Variants in PDZRN4 observed in about 807,000 individuals in gnomAD.
The protein encoded by PDZRN4 is PDZ domain-containing RING finger protein 4.
PDZRN4 carries 70 observed loss-of-function variants against 99.0 expected under a neutral mutation model. The observed-to-expected ratio is 0.71, with a 90% confidence interval of 0.58 to 0.86. The LOEUF (loss-of-function observed/expected upper bound fraction) is 0.86. PDZRN4 is among the 40% of genes least tolerant of loss of function. PDZRN4 has a pLI of 0.00. For synonymous variants in PDZRN4, 551 were observed against 501.6 expected, an observed-to-expected ratio of 1.10 and a Z score of -1.32; for missense variants, 1,474 against 1,331.2, an observed-to-expected ratio of 1.11 and a Z score of -1.67.
chr12:41,418,885 ACAACC>A (rs1952468328), intron 3 of PDZRN4, among the ~76,000 whole-genome samples: 1 of 152,154 alleles, frequency 6.6e-6, no homozygotes, highest in African/African-American at 2.4e-5. Flanking sequence ...CATCTAGCTG[ACAACC>A]CACAGCCTGA....
intron 3 of PDZRN4, among the ~76,000 whole-genome samples, chr12:41,478,111 T>C (rs550085533): frequency 4.6e-5 from 7 of 152,176 alleles, no homozygotes; most frequent in African/African-American, 1.7e-4. Context: ...ATACATTAAA[T>C]TTTTTTGTTT....
At chr12:41,310,572 T>C (rs1951599973) in intron 3 of PDZRN4, among the ~76,000 whole-genome samples, 1 of 152,188 alleles carries the variant, frequency 6.6e-6, no homozygotes, top group Admixed American at 6.5e-5. Context: ...ACATTGATGG[T>C]TCCATTATCA....
chr12:41,351,401 C>A (rs894363268), intron 3 of PDZRN4, among the ~76,000 whole-genome samples: 3 of 151,952 alleles, frequency 2.0e-5, no homozygotes, highest in Non-Finnish European at 4.4e-5. Flanking sequence ...TGTATGAGTT[C>A]GTTCTTGCAC....
intron 3 of PDZRN4, among the ~76,000 whole-genome samples, chr12:41,311,154 T>C (rs376278781): frequency 1.3e-5 from 2 of 152,280 alleles, no homozygotes. Context: ...TCTCCAAAAC[T>C]AACACTCTGG....
At chr12:41,344,032 T>G (rs575009068) in intron 3 of PDZRN4, among the ~76,000 whole-genome samples, 47 of 152,234 alleles carry the variant, frequency 3.1e-4, no homozygotes, top group African/African-American at 9.4e-4. Context: ...ATTGTATACT[T>G]CAGGTTTCTA....
At chr12:41,496,476 C>T (rs1396680322) in intron 3 of PDZRN4, among the ~76,000 whole-genome samples, 2 of 152,080 alleles carry the variant, frequency 1.3e-5, no homozygotes, top group African/African-American at 4.8e-5. Context: ...CTCAAAGTCA[C>T]ACAGCTAGTC....
At chr12:41,501,788 G>A (rs1002236633) in intron 3 of PDZRN4, among the ~76,000 whole-genome samples, 2 of 152,052 alleles carry the variant, frequency 1.3e-5, no homozygotes, top group East Asian at 1.9e-4. Context: ...AATCTTTAAG[G>A]ATATTTGTCT....
At chr12:41,376,827 C>T (rs1356580573) in intron 3 of PDZRN4, among the ~76,000 whole-genome samples, 1 of 151,888 alleles carries the variant, frequency 6.6e-6, no homozygotes, top group East Asian at 1.9e-4. Flanking sequence ...GAGTTTTTCC[C>T]CTGTGTTTTC....
chr12:41,507,774 T>G (rs999772139), intron 4 of PDZRN4, among the ~76,000 whole-genome samples: 1 of 152,186 alleles, frequency 6.6e-6, no homozygotes, highest in African/African-American at 2.4e-5. Flanking sequence ...GCAGGGGATC[T>G]GTTTGTCTTG....
At position 41,573,755 on chromosome 12, in the gene PDZRN4, C is replaced by T. The variant is rs773913165; in HGVS notation, c.2976C>T (p.His992=). The T allele has an allele frequency of 6.2e-7, 1 of 1,613,528 alleles. No individual in the cohort carries two copies. The highest frequency in any genetic ancestry group is 1.1e-5 in the South Asian group (1 of 91,052). ...AGATCAATATCATTGAACTGAGTCA[C>T]AAAAAGATGATGAAAAAGAGAAACA... ...KKEINIIELS[H]KKMMKKRNKK... is the part of the protein sequence containing the mutation. The change falls in exon 10 of 10, where the codon CAC becomes CAT. Residue 992 remains histidine (H), a synonymous_variant. Coordinates refer to ENST00000402685, the MANE Select transcript of PDZRN4 (RefSeq NM_001164595.2).
chr12:41,260,571 T>A (rs908445225), intron 3 of PDZRN4, among the ~76,000 whole-genome samples: 1 of 152,136 alleles, frequency 6.6e-6, no homozygotes, highest in Admixed American at 6.6e-5. Context: ...CTTATTTAAG[T>A]ATTAGTAAAG....
At chr12:41,560,012 T>C (rs1939241984) in intron 7 of PDZRN4, among the ~76,000 whole-genome samples, 1 of 152,168 alleles carries the variant, frequency 6.6e-6, no homozygotes, top group Non-Finnish European at 1.5e-5. Context: ...CCTCTTTTCT[T>C]TGTAAATTAC....
At chr12:41,421,638 G>A (rs1952491673) in intron 3 of PDZRN4, among the ~76,000 whole-genome samples, 1 of 152,120 alleles carries the variant, frequency 6.6e-6, no homozygotes. Context: ...TAGTCAGTTT[G>A]ATCTCTCCTG....
intron 5 of PDZRN4, among the ~76,000 whole-genome samples, chr12:41,533,593 T>A (rs982454077): frequency 2.1e-4 from 32 of 152,246 alleles, no homozygotes; most frequent in Non-Finnish European, 4.1e-4. Context: ...TTGTGGCGTA[T>A]CTTTTACCAA....
chr12:41,302,935 T>TACACACACACAC (rs71846165), intron 3 of PDZRN4, among the ~76,000 whole-genome samples: 4 of 127,226 alleles, frequency 3.1e-5, no homozygotes, highest in African/African-American at 1.0e-4. Flanking sequence ...ATATATAAAA[T>TACACACACACAC]ACACACACAC....
chr12:41,282,083 C>T (rs1043664858), intron 3 of PDZRN4, among the ~76,000 whole-genome samples: 2 of 151,984 alleles, frequency 1.3e-5, no homozygotes, highest in African/African-American at 4.8e-5. Flanking sequence ...CTGGCAAATT[C>T]GATGAAGAGT....
intron 5 of PDZRN4, among the ~76,000 whole-genome samples, chr12:41,537,819 C>A: frequency 6.6e-6 from 1 of 152,104 alleles, no homozygotes; most frequent in Non-Finnish European, 1.5e-5. Flanking sequence ...ACCTGGATGA[C>A]TGGCAAAATG....
chr12:41,361,908 A>T (rs1166704603), intron 3 of PDZRN4, among the ~76,000 whole-genome samples: 1 of 151,822 alleles, frequency 6.6e-6, no homozygotes, highest in Non-Finnish European at 1.5e-5. Context: ...TTTTAATTGT[A>T]CTCGGGGCTG....
At chr12:41,560,778 C>T (rs1592113019) in intron 7 of PDZRN4, among the ~76,000 whole-genome samples, 1 of 152,304 alleles carries the variant, frequency 6.6e-6, no homozygotes, top group African/African-American at 2.4e-5. Context: ...GATTCTGTTC[C>T]TCAATTCTTT....
Sources: gnomAD v4.1 joint callset for allele counts (sites outside exome capture counted in the v4.1 genomes callset) on GRCh38, gnomAD v4.1.1 for gene constraint, MANE v1.5 for transcripts, NCBI Gene and HGNC (gene_info 2026-07-23, HGNC 2026-07-21) for gene names.